ANKRD27: variants seen among roughly 807,000 people sequenced by gnomAD.
ANKRD27 encodes the protein ankyrin repeat domain 27.
ANKRD27 carries 112 observed loss-of-function variants against 129.7 expected under a neutral mutation model. That is an observed-to-expected ratio of 0.86 (90% CI 0.74 to 1.01). ANKRD27 has a LOEUF of 1.01. Ranked by LOEUF, ANKRD27 falls within the 50% of genes least tolerant of loss-of-function variation. The pLI is 0.00. For missense variants in ANKRD27, 1,258 were observed against 1,300.5 expected, an observed-to-expected ratio of 0.97 and a Z score of 0.50; for synonymous variants, 516 against 511.2, an observed-to-expected ratio of 1.01 and a Z score of -0.13.
At chr19:32,627,020 C>T (rs1422170420) in intron 15 of ANKRD27, among the ~76,000 whole-genome samples, 193 bp from the exon 16 acceptor site, 1 of 152,074 alleles carries the variant, frequency 6.6e-6, no homozygotes, top group East Asian at 1.9e-4. Flanking sequence ...TTGGGGTGGG[C>T]CTTGGAGGGG....
chr19:32,607,760 C>T lies in ANKRD27; in HGVS notation c.2248G>A (p.Val750Ile), dbSNP rs1236987544. 1 of 1,613,002 alleles carries T rather than the reference C, an allele frequency of 6.2e-7. No homozygotes were observed. Among genetic ancestry groups the T allele is most frequent in the Non-Finnish European group, 8.5e-7 (1 of 1,179,656 alleles). ...TSQDGSSPLHVAALHGRADLI... is the reference protein window; with the variant it reads ...TSQDGSSPLHIAALHGRADLI... ...TCCGCCCGGCCGTGCAGGGCGGCGACATGCAGCGGGGAGGAGCCGTCCTGG... is the reference window on the plus strand; with the variant it reads ...TCCGCCCGGCCGTGCAGGGCGGCGATATGCAGCGGGGAGGAGCCGTCCTGG... The change falls in exon 23 of 29, where the codon GTC becomes ATC. Residue 750 changes from valine to isoleucine, a missense_variant. Coordinates refer to ENST00000306065, the MANE Select transcript of ANKRD27 (RefSeq NM_032139.3).
chr19:32,674,903 C>T (rs1288559028), intron 1 of ANKRD27, among the ~76,000 whole-genome samples, 168 bp downstream of exon 1: 1 of 151,912 alleles, frequency 6.6e-6, no homozygotes, highest in Non-Finnish European at 1.5e-5. Flanking sequence ...CCTGGGGACG[C>T]GGGGGCTGGG....
At chr19:32,649,386 A>C (rs972585161) in intron 3 of ANKRD27, among the ~76,000 whole-genome samples, 15 of 152,174 alleles carry the variant, frequency 9.9e-5, no homozygotes, top group Non-Finnish European at 7.3e-5. Flanking sequence ...TGGCTCGGAC[A>C]TCAGCAAGGA....
chr19:32,604,565 T>A, intron 24 of ANKRD27, 141 bp from the exon 25 acceptor site: 1 of 866,736 alleles, frequency 1.2e-6, no homozygotes, highest in Non-Finnish European at 1.7e-6. Context: ...GGAGGAAAAG[T>A]AATACTGAGA....
intron 12 of ANKRD27, among the ~76,000 whole-genome samples, chr19:32,635,553 C>A (rs900182123): frequency 6.6e-6 from 1 of 152,168 alleles, no homozygotes; most frequent in Admixed American, 6.6e-5. Context: ...GATCCACCCG[C>A]CTCAGCCTCC....
At position 32,599,599 on chromosome 19, in the gene ANKRD27, C is replaced by G. The variant is rs889333223; in HGVS notation, c.2919+105G>C. Reference sequence around the variant, plus strand: ...AACTGCTGCTAACTCATACGGCGCACGGAATAATGAAGATGACGATCAAGG... The same window carrying G: ...AACTGCTGCTAACTCATACGGCGCAGGGAATAATGAAGATGACGATCAAGG... On this transcript the variant is annotated intron_variant, in intron 28 of 28. Transcript: ENST00000306065. The G allele has an allele frequency of 1.6e-5, 16 of 1,014,724 alleles. No individual in the cohort carries two copies. The African/African-American group carries it at 2.6e-4, about 16-fold the overall frequency. The allele number at this position is 1,014,724 out of a possible 1,614,324, so 62.9% of individuals were successfully genotyped here.
At chr19:32,654,499 C>T (rs1164969096) in intron 2 of ANKRD27, among the ~76,000 whole-genome samples, 1 of 152,154 alleles carries the variant, frequency 6.6e-6, no homozygotes, top group Admixed American at 6.5e-5. Flanking sequence ...AATCTATGAA[C>T]ATAGGTAGAG....
At chr19:32,632,408 A>G (rs1027174181) in intron 12 of ANKRD27, among the ~76,000 whole-genome samples, 1 of 152,038 alleles carries the variant, frequency 6.6e-6, no homozygotes, top group Non-Finnish European at 1.5e-5. Context: ...CAACATGGTG[A>G]AACCCCTCTC....
At position 32,622,541 on chromosome 19, in the gene ANKRD27, G is replaced by C. The variant is rs901881084; in HGVS notation, c.1708C>G (p.His570Asp). ...IGNEKGDTPL[H>D]IAARWGYQGV... ...TGGTAGCCCCAGCGGGCAGCAATGT[G>C]TAGAGGGGTGTCTCCTTTCTCATTG... is the stretch of plus-strand genomic sequence containing the variant. Residue 570 changes from histidine to aspartate, a missense_variant, in exon 18 of 29, where the codon CAC becomes GAC. Transcript: ENST00000306065. 1.2e-6 allele frequency: 2 copies of C among 1,614,026 alleles called. No individual in the cohort carries two copies. Among genetic ancestry groups the C allele is most frequent in the Non-Finnish European group, 1.7e-6 (2 of 1,180,038 alleles).
chr19:32,674,578 C>G (rs914939497), intron 1 of ANKRD27, among the ~76,000 whole-genome samples: 27 of 150,758 alleles, frequency 1.8e-4, no homozygotes, highest in Non-Finnish European at 3.0e-4. Context: ...GAGACCCCCC[C>G]GCCCTGCGAG....
chr19:32,633,308 G>A (rs534063960), intron 12 of ANKRD27, among the ~76,000 whole-genome samples: 3 of 150,866 alleles, frequency 2.0e-5, no homozygotes, highest in Non-Finnish European at 2.9e-5. Context: ...GAATGGTACA[G>A]GTTCTTTCTT....
chr19:32,649,958 T>A (rs1599765666), intron 2 of ANKRD27, among the ~76,000 whole-genome samples, 166 bp from the exon 3 acceptor site: 1 of 152,066 alleles, frequency 6.6e-6, no homozygotes, highest in Non-Finnish European at 1.5e-5. Flanking sequence ...CCAGCTGAGG[T>A]GATCTGCTGC....
intron 13 of ANKRD27, among the ~76,000 whole-genome samples, chr19:32,629,481 T>C (rs1481585718): frequency 6.6e-6 from 1 of 152,026 alleles, no homozygotes; most frequent in Non-Finnish European, 1.5e-5. Context: ...AGGTGGCTCA[T>C]TTGAGGTCAG....
At chr19:32,672,380 T>G (rs1265413352) in intron 1 of ANKRD27, among the ~76,000 whole-genome samples, 2 of 152,210 alleles carry the variant, frequency 1.3e-5, no homozygotes, top group Non-Finnish European at 2.9e-5. Flanking sequence ...TTCTCAAAGC[T>G]TCTCATTAAA....
At chr19:32,632,817 T>C (rs546722276) in intron 12 of ANKRD27, among the ~76,000 whole-genome samples, 1 of 152,258 alleles carries the variant, frequency 6.6e-6, no homozygotes, top group African/African-American at 2.4e-5. Flanking sequence ...GATGTCTCTT[T>C]ACAGCCCTCT....
chr19:32,650,046 C>T (rs746372466), intron 2 of ANKRD27, among the ~76,000 whole-genome samples: 4 of 152,154 alleles, frequency 2.6e-5, no homozygotes, highest in Non-Finnish European at 5.9e-5. Context: ...GCGAACAGTA[C>T]AAATCCTTCT....
intron 26 of ANKRD27, among the ~76,000 whole-genome samples, chr19:32,601,566 C>G (rs1971654568): frequency 7.1e-6 from 1 of 141,532 alleles, no homozygotes; most frequent in African/African-American, 2.7e-5. Context: ...GAGCTGAGAT[C>G]ACACTACTGC....
chr19:32,613,706 C>CTTTTTTTTTTTTTTTTTTTT (rs58394462), intron 22 of ANKRD27, among the ~76,000 whole-genome samples: 4 of 132,994 alleles, frequency 3.0e-5, no homozygotes, highest in Non-Finnish European at 3.2e-5. Context: ...ATTTATGTAA[C>CTTTTTTTTTTTTTTTTTTTT]TTTTTTTTTT....
chr19:32,663,891 C>T (rs1235312777), intron 1 of ANKRD27, among the ~76,000 whole-genome samples: 1 of 150,962 alleles, frequency 6.6e-6, no homozygotes, highest in Non-Finnish European at 1.5e-5. Context: ...CCCGTCTCTA[C>T]TAAAAATACA....
Sources: gnomAD v4.1 joint callset for allele counts (sites outside exome capture counted in the v4.1 genomes callset) on GRCh38, gnomAD v4.1.1 for gene constraint, MANE v1.5 for transcripts, NCBI Gene and HGNC (gene_info 2026-07-23, HGNC 2026-07-21) for gene names.